The following SLC24A2 variants were observed in gnomAD, a reference collection of about 807,000 sequenced individuals.
SLC24A2 encodes sodium/potassium/calcium exchanger 2.
A neutral mutation model predicts 62.0 loss-of-function variants in SLC24A2; 36 were observed. The observed-to-expected ratio is 0.58, with a 90% CI of 0.44 to 0.77. SLC24A2 has a LOEUF of 0.77. SLC24A2 is among the 30% of genes least tolerant of loss of function. SLC24A2 has a pLI of 0.00. For synonymous variants in SLC24A2, 358 were observed against 294.0 expected (o/e 1.22, Z -2.23); for missense variants, 846 against 817.9 (o/e 1.03, Z -0.42).
the SLC24A2 span, among the ~76,000 whole-genome samples, chr9:19,862,582 T>G: frequency 6.6e-6 from 1 of 152,108 alleles, no homozygotes; most frequent in African/African-American, 2.4e-5. Flanking sequence ...AAACTACTCT[T>G]AAGTAGAAAG....
the SLC24A2 span, among the ~76,000 whole-genome samples, chr9:20,108,198 A>T: frequency 2.0e-5 from 3 of 152,168 alleles, no homozygotes; most frequent in Non-Finnish European, 4.4e-5. Flanking sequence ...TCAGGAAACA[A>T]CAGGTACTGG....
the SLC24A2 span, among the ~76,000 whole-genome samples, chr9:19,875,030 GT>G: frequency 7.4e-6 from 1 of 135,536 alleles, no homozygotes; most frequent in African/African-American, 2.7e-5. Flanking sequence ...TCAGCCAAAA[GT>G]TTTTGCCTTA....
intron 2 of SLC24A2, among the ~76,000 whole-genome samples, chr9:19,726,685 C>T (rs1019772279): frequency 2.6e-5 from 4 of 152,168 alleles, no homozygotes; most frequent in African/African-American, 9.7e-5. Flanking sequence ...GCATATGACT[C>T]ACTTAAAATC....
chr9:20,020,959 T>G, the SLC24A2 span, among the ~76,000 whole-genome samples: 1 of 152,222 alleles, frequency 6.6e-6, no homozygotes, highest in Non-Finnish European at 1.5e-5. Context: ...ATGTTTCATT[T>G]GTCCAATTGG....
At chr9:19,554,947 G>C (rs1835009696) in intron 7 of SLC24A2, among the ~76,000 whole-genome samples, 1 of 152,082 alleles carries the variant, frequency 6.6e-6, no homozygotes, top group East Asian at 1.9e-4. Context: ...GAGCAGCCTG[G>C]GATCACTCTA....
the SLC24A2 span, among the ~76,000 whole-genome samples, chr9:20,129,630 C>T: frequency 6.6e-6 from 1 of 151,940 alleles, no homozygotes; most frequent in Non-Finnish European, 1.5e-5. Flanking sequence ...CATGCTACAA[C>T]ATGGATGAAC....
At chr9:19,565,966 A>T (rs569193102) in intron 7 of SLC24A2, among the ~76,000 whole-genome samples, 94 of 151,770 alleles carry the variant, frequency 6.2e-4, no homozygotes, top group Admixed American at 3.9e-3. Flanking sequence ...AAATTAATTC[A>T]AGATGGATTA....
the SLC24A2 span, among the ~76,000 whole-genome samples, chr9:20,082,137 G>T: frequency 2.6e-5 from 4 of 152,144 alleles, no homozygotes; most frequent in Non-Finnish European, 5.9e-5. Flanking sequence ...TGTTCCAGTT[G>T]ACTCAGATTT....
At chr9:19,752,021 C>T (rs982084419) in intron 2 of SLC24A2, among the ~76,000 whole-genome samples, 6 of 152,158 alleles carry the variant, frequency 3.9e-5, no homozygotes, top group Admixed American at 3.3e-4. Flanking sequence ...TTAGAATGTA[C>T]AATGTGGTAG....
At chr9:19,538,434 AG>A (rs1245864492) in intron 8 of SLC24A2, among the ~76,000 whole-genome samples, 3 of 57,504 alleles carry the variant, frequency 5.2e-5, no homozygotes, top group Non-Finnish European at 9.0e-5. Context: ...ATTTTGTCAA[AG>A]GCTTTTTCTG....
At chr9:19,773,336 AT>A (rs1324941367) in intron 2 of SLC24A2, among the ~76,000 whole-genome samples, 1 of 152,220 alleles carries the variant, frequency 6.6e-6, no homozygotes, top group Non-Finnish European at 1.5e-5. Flanking sequence ...AAAAGCTGTT[AT>A]TAAAAAGTCA....
chr9:19,541,915 G>A (rs891508897), intron 8 of SLC24A2, among the ~76,000 whole-genome samples: 36 of 152,282 alleles, frequency 2.4e-4, no homozygotes, highest in African/African-American at 7.9e-4. Context: ...CTGGTGCGCC[G>A]TTTTTCAAGC....
chr9:20,092,786 C>T, the SLC24A2 span, among the ~76,000 whole-genome samples: 2 of 152,126 alleles, frequency 1.3e-5, no homozygotes, highest in Admixed American at 6.5e-5. Flanking sequence ...TTCTAGTAAA[C>T]AATGCAGTGT....
At chr9:20,171,193 A>G in the SLC24A2 span, among the ~76,000 whole-genome samples, 1 of 152,040 alleles carries the variant, frequency 6.6e-6, no homozygotes, top group South Asian at 2.1e-4. Flanking sequence ...CTACCAAGCC[A>G]GCACTACAAG....
At position 19,581,684 on chromosome 9, in the gene SLC24A2, A is replaced by G. The variant is rs554792590; in HGVS notation, c.1130-4662T>C. ...GATATTTAAAATAGAATTGATGCCT[A>G]GCACCTGCAGGTGCAGACCTTGGTG... is the stretch of plus-strand genomic sequence containing the variant. On this transcript the variant is annotated intron_variant, in intron 5 of 10. Transcript: ENST00000341998. Among the ~76,000 whole-genome samples, 79 of 152,388 alleles carry G rather than the reference A, an allele frequency of 5.2e-4. 1 individual carries two copies. Among genetic ancestry groups the G allele is most frequent in the East Asian group, 3.7e-3 (19 of 5,194 alleles).
intron 2 of SLC24A2, among the ~76,000 whole-genome samples, chr9:19,685,084 C>T (rs185518237): frequency 1.1e-3 from 173 of 152,068 alleles, no homozygotes; most frequent in African/African-American, 4.0e-3. Flanking sequence ...CTGGAGCATG[C>T]TAAAAATCAC....
the SLC24A2 span, among the ~76,000 whole-genome samples, chr9:19,852,436 G>A: frequency 3.0e-3 from 461 of 152,054 alleles, 1 homozygote; most frequent in African/African-American, 0.011. Context: ...TTTCTTCTAG[G>A]GTTTTTATAC....
At chr9:19,740,975 T>C (rs969295057) in intron 2 of SLC24A2, among the ~76,000 whole-genome samples, 2 of 152,186 alleles carry the variant, frequency 1.3e-5, no homozygotes, top group African/African-American at 4.8e-5. Flanking sequence ...CACAGTTTTA[T>C]TGGCTTTATC....
At chr9:19,959,329 T>C in the SLC24A2 span, among the ~76,000 whole-genome samples, 1 of 152,212 alleles carries the variant, frequency 6.6e-6, no homozygotes, top group Non-Finnish European at 1.5e-5. Flanking sequence ...ATCAATCAGA[T>C]GCCAGATGGA....
Sources: allele counts gnomAD v4.1 joint callset (sites outside exome capture counted in the v4.1 genomes callset), GRCh38; gene constraint gnomAD v4.1.1; transcripts MANE v1.5; gene names NCBI Gene and HGNC (gene_info 2026-07-23, HGNC 2026-07-21).